IQGAP1: variants seen among roughly 807,000 people sequenced by gnomAD.
The protein encoded by IQGAP1 is ras GTPase-activating-like protein IQGAP1.
IQGAP1 carries 66 observed loss-of-function variants against 215.6 expected under a neutral mutation model. The ratio of observed to expected loss-of-function variants is 0.31; its 90% confidence interval spans 0.25 to 0.38. IQGAP1 has a LOEUF of 0.38. IQGAP1 is among the 10% of genes least tolerant of loss of function. IQGAP1 has a pLI of 1.00. For missense variants in IQGAP1, 1,712 were observed against 1,997.1 expected, an observed-to-expected ratio of 0.86 and a Z score of 2.72; for synonymous variants, 772 against 728.7, an observed-to-expected ratio of 1.06 and a Z score of -0.96.
At chr15:90,415,749 C>T (rs1041324249) in intron 2 of IQGAP1, among the ~76,000 whole-genome samples, 1 of 152,164 alleles carries the variant, frequency 6.6e-6, no homozygotes, top group Non-Finnish European at 1.5e-5. Flanking sequence ...ACCATTGTCC[C>T]AGTTAAAGAC....
At chr15:90,484,889 G>T (rs1022659194) in intron 30 of IQGAP1, among the ~76,000 whole-genome samples, 5 of 152,180 alleles carry the variant, frequency 3.3e-5, no homozygotes, top group African/African-American at 1.2e-4. Context: ...AATCCTATGG[G>T]CTGATAGTTA....
intron 2 of IQGAP1, among the ~76,000 whole-genome samples, chr15:90,417,513 G>A (rs574731725): frequency 9.9e-5 from 15 of 152,280 alleles, no homozygotes; most frequent in Admixed American, 9.8e-4. Flanking sequence ...AGATCAGATG[G>A]TTGTGGATAT....
At chr15:90,425,314 G>GA (rs1965205672) in intron 2 of IQGAP1, among the ~76,000 whole-genome samples, 1 of 150,926 alleles carries the variant, frequency 6.6e-6, no homozygotes, top group Non-Finnish European at 1.5e-5. Flanking sequence ...TGTCTCAAAA[G>GA]AAAAAAGAAG....
chr15:90,481,011 T>C (rs941763251), intron 26 of IQGAP1, among the ~76,000 whole-genome samples: 1 of 152,120 alleles, frequency 6.6e-6, no homozygotes, highest in African/African-American at 2.4e-5. Flanking sequence ...TCACCTCAAA[T>C]TGGGTGGCTT....
chr15:90,422,269 C>G (rs1296401921), intron 2 of IQGAP1, among the ~76,000 whole-genome samples: 1 of 152,116 alleles, frequency 6.6e-6, no homozygotes, highest in African/African-American at 2.4e-5. Flanking sequence ...CAGCCTCATT[C>G]TTATTTGTAA....
At position 90,477,651 on chromosome 15, in the gene IQGAP1, C is replaced by G; in HGVS notation, c.3105-14C>G. On this transcript the variant is annotated splice_polypyrimidine_tract_variant and intron_variant, in intron 25 of 37. Coordinates refer to ENST00000268182, the MANE Select transcript of IQGAP1 (RefSeq NM_003870.4). ...TTTTGTGACAAGTTTAAATTTTTAT[C>G]TGATGTTTTATAGGTCGAAGGTAGA... 6.4e-7 allele frequency: 1 copy of G among 1,568,302 alleles called. No homozygotes were observed. The highest frequency in any genetic ancestry group is 8.8e-7 in the Non-Finnish European group (1 of 1,139,116).
At chr15:90,438,973 C>T (rs1014238392) in intron 5 of IQGAP1, among the ~76,000 whole-genome samples, 11 of 152,118 alleles carry the variant, frequency 7.2e-5, no homozygotes, top group African/African-American at 9.7e-5. Flanking sequence ...GATCCGCCCA[C>T]CTCAGCCTCC....
intron 2 of IQGAP1, among the ~76,000 whole-genome samples, chr15:90,395,131 A>G (rs1219604757): frequency 2.6e-5 from 4 of 152,222 alleles, no homozygotes; most frequent in Non-Finnish European, 1.5e-5. Flanking sequence ...AGCAGCTTCA[A>G]TATTGAAATT....
At chr15:90,464,224 ACT>A (rs778289731) in intron 15 of IQGAP1, among the ~76,000 whole-genome samples, 6 of 152,202 alleles carry the variant, frequency 3.9e-5, no homozygotes, top group Non-Finnish European at 7.4e-5. Flanking sequence ...CACAAACATG[ACT>A]CTCACAACCT....
chr15:90,491,324 C>T lies in IQGAP1; in HGVS notation c.4249-9C>T, dbSNP rs370203248. On this transcript the variant is annotated splice_polypyrimidine_tract_variant and intron_variant, in intron 33 of 37. Transcript: ENST00000268182. Reference sequence around the variant, plus strand: ...AAACTTGCTAAGAACTTCTTTTTCCCATCCGTAGGAAGCAGAACATCAGAG... The same window carrying T: ...AAACTTGCTAAGAACTTCTTTTTCCTATCCGTAGGAAGCAGAACATCAGAG... 22 of 1,611,048 alleles carry T rather than the reference C, an allele frequency of 1.4e-5. No homozygotes were observed. Among genetic ancestry groups the T allele is most frequent in the Non-Finnish European group, 1.9e-5 (22 of 1,178,138 alleles).
intron 7 of IQGAP1, among the ~76,000 whole-genome samples, 176 bp from the exon 8 acceptor site, chr15:90,441,330 T>C (rs1348456953): frequency 6.6e-6 from 1 of 152,138 alleles, no homozygotes; most frequent in African/African-American, 2.4e-5. Context: ...AGGAAGAGGC[T>C]AGGCTCATAG....
chr15:90,422,664 A>G (rs183354611), intron 2 of IQGAP1, among the ~76,000 whole-genome samples: 24 of 121,408 alleles, frequency 2.0e-4, no homozygotes, highest in African/African-American at 4.8e-4. Flanking sequence ...ATATATGTAT[A>G]TATATATATA....
chr15:90,446,504 C>A (rs1965529721), intron 9 of IQGAP1, among the ~76,000 whole-genome samples: 1 of 152,088 alleles, frequency 6.6e-6, no homozygotes, highest in African/African-American at 2.4e-5. Context: ...GAAGTTTGAG[C>A]AGGTTTTCAG....
chr15:90,449,047 C>G (rs1466598464), intron 10 of IQGAP1, among the ~76,000 whole-genome samples: 1 of 152,194 alleles, frequency 6.6e-6, no homozygotes, highest in East Asian at 1.9e-4. Context: ...AATATTTTTG[C>G]ATTCTTACGT....
rs1056412610 is a variant in IQGAP1, at chr15:90,500,748, T to C, written c.*640T>C. 2 of 152,270 alleles carry C rather than the reference T, an allele frequency of 1.3e-5. No homozygotes were observed. Among genetic ancestry groups the C allele is most frequent in the Non-Finnish European group, 2.9e-5 (2 of 68,040 alleles). The allele number at this position is 152,270 out of a possible 1,614,324, so 9.4% of individuals were successfully genotyped here. A position where few individuals can be genotyped will look rare whatever the true frequency, so the allele number is the denominator to read the frequency against. ...GAGATAATGTTTTTAAATTTCATTA[T>C]CAAACTTGGGCAATTCTGTTTGTGT... On this transcript the variant is annotated 3_prime_UTR_variant, in exon 38 of 38. Coordinates refer to ENST00000268182, the MANE Select transcript of IQGAP1 (RefSeq NM_003870.4).
intron 15 of IQGAP1, among the ~76,000 whole-genome samples, chr15:90,457,420 A>G (rs1008910411): frequency 1.1e-4 from 17 of 151,078 alleles, no homozygotes; most frequent in African/African-American, 2.2e-4. Context: ...GACTGTTGTA[A>G]ATAGGGCTTC....
intron 6 of IQGAP1, 27 bp downstream of exon 6, chr15:90,439,426 A>G: frequency 6.3e-7 from 1 of 1,583,938 alleles, no homozygotes; most frequent in Non-Finnish European, 8.7e-7. Flanking sequence ...TTGGCAGGAA[A>G]TGCTTGAATT....
At chr15:90,415,085 C>A (rs1965026216) in intron 2 of IQGAP1, among the ~76,000 whole-genome samples, 1 of 152,206 alleles carries the variant, frequency 6.6e-6, no homozygotes, top group Non-Finnish European at 1.5e-5. Flanking sequence ...TCTCGACACA[C>A]TGGACAACAA....
At chr15:90,437,269 A>T (rs1965383130) in intron 5 of IQGAP1, among the ~76,000 whole-genome samples, 1 of 152,178 alleles carries the variant, frequency 6.6e-6, no homozygotes, top group Admixed American at 6.5e-5. Flanking sequence ...GCCCCCATTG[A>T]TCCAATCACC....
Sources: allele counts gnomAD v4.1 joint callset (sites outside exome capture counted in the v4.1 genomes callset), GRCh38; gene constraint gnomAD v4.1.1; transcripts MANE v1.5; gene names NCBI Gene and HGNC (gene_info 2026-07-23, HGNC 2026-07-21).